The following ZNF674 variants were observed in gnomAD, a reference collection of about 807,000 sequenced individuals.
ZNF674 encodes the protein zinc finger family member 674.
A neutral mutation model predicts 7.0 loss-of-function variants in ZNF674; 2 were observed. The ratio of observed to expected loss-of-function variants is 0.29; its 90% confidence interval spans 0.12 to 0.90. The LOEUF is 0.90. Ranked by LOEUF, ZNF674 falls within the 40% of genes least tolerant of loss-of-function variation. ZNF674 has a pLI of 0.57. For synonymous variants in ZNF674, 103 were observed against 145.2 expected (o/e 0.71, Z 2.09); for missense variants, 297 against 415.5 (o/e 0.71, Z 2.48).
chrX:46,536,726 C>T (rs1942205763), intron 3 of ZNF674, among the ~76,000 whole-genome samples: 1 of 110,413 alleles, frequency 9.1e-6, no homozygotes, highest in South Asian at 3.9e-4. Context: ...CACTGCACTT[C>T]AGCCTGGGCA....
At chrX:46,518,392 T>C (rs182392806) in intron 5 of ZNF674, among the ~76,000 whole-genome samples, 310 of 111,524 alleles carry the variant, frequency 2.8e-3, no homozygotes, top group Non-Finnish European at 4.9e-3. Flanking sequence ...TATTAAACTA[T>C]AAGTAGAATG....
In ZNF674 at chrX:46,499,910, T is replaced by C; in HGVS notation, c.1664A>G (p.Lys555Arg). ...EKPYECRDCGKAFSGKSTLIK... is the reference protein window; with the variant it reads ...EKPYECRDCGRAFSGKSTLIK... ...GAGAGTTGACTTCCCACTGAATGCTTTCCCACAGTCTCTGCATTCATAAGG... is the reference window on the plus strand; with the variant it reads ...GAGAGTTGACTTCCCACTGAATGCTCTCCCACAGTCTCTGCATTCATAAGG... The change falls in exon 6 of 6, where the codon AAA (lysine) becomes AGA (arginine). Residue 555 changes from lysine to arginine, a missense_variant. Physicochemically the swap from Lys to Arg is conservative, Grantham distance 26. Coordinates refer to ENST00000683375, the MANE Select transcript of ZNF674 (RefSeq NM_001190417.2). The C allele has an allele frequency of 8.5e-7, 1 of 1,171,592 alleles. No individual in the cohort carries two copies.
At chrX:46,535,976 A>G (rs772757180) in intron 3 of ZNF674, among the ~76,000 whole-genome samples, 1 of 112,316 alleles carries the variant, frequency 8.9e-6, no homozygotes, top group East Asian at 2.8e-4. Context: ...GTCACTGCTG[A>G]TGAAGAGTAT....
chrX:46,536,650 A>G (rs1942204550), intron 3 of ZNF674, among the ~76,000 whole-genome samples: 1 of 109,605 alleles, frequency 9.1e-6, no homozygotes, highest in Non-Finnish European at 1.9e-5. Flanking sequence ...CCAGCTACTC[A>G]GGAAGCTAAA....
At chrX:46,529,045 C>A in intron 3 of ZNF674, 136 bp from the exon 4 acceptor site, 4 of 1,093,419 alleles carry the variant, frequency 3.7e-6, no homozygotes, top group Non-Finnish European at 5.0e-6. Flanking sequence ...TCTTCGCCGC[C>A]ACCCTAGAAG....
intron 5 of ZNF674, among the ~76,000 whole-genome samples, chrX:46,502,203 G>C (rs2146587920): frequency 9.2e-6 from 1 of 108,114 alleles, no homozygotes; most frequent in African/African-American, 3.4e-5. Context: ...CTATTCAGGA[G>C]GCTGAGGCAG....
chrX:46,509,499 A>C (rs1313742149), intron 5 of ZNF674, among the ~76,000 whole-genome samples: 2 of 100,867 alleles, frequency 2.0e-5, no homozygotes, highest in East Asian at 6.2e-4. Context: ...GACACTTCTC[A>C]AAAGAAGACA....
chrX:46,534,636 C>T lies in ZNF674; in HGVS notation c.16-5727G>A, dbSNP rs186674685. ...TCAGCTTCCCAAATTGCTGGAATTA[C>T]TGGTGTGAGCCACCGCACCCAGCCT... On this transcript the variant is annotated intron_variant, in intron 3 of 5. Transcript: ENST00000683375. Among the ~76,000 whole-genome samples, 11 of 111,938 alleles carry T rather than the reference C, an allele frequency of 9.8e-5. No individual in the cohort carries two copies. The East Asian group carries it at 3.1e-3, about 31-fold the overall frequency.
At chrX:46,540,200 T>C (rs1282623914) in intron 3 of ZNF674, among the ~76,000 whole-genome samples, 1 of 109,188 alleles carries the variant, frequency 9.2e-6, no homozygotes, top group African/African-American at 3.3e-5. Flanking sequence ...GCCGAGATTT[T>C]GCCACTGCAC....
chrX:46,532,073 G>C (rs1942119064), intron 3 of ZNF674, among the ~76,000 whole-genome samples: 1 of 111,294 alleles, frequency 9.0e-6, no homozygotes, highest in Non-Finnish European at 1.9e-5. Context: ...GCTGAGGCAG[G>C]GGAATCGCTT....
chrX:46,515,056 C>T lies in ZNF674; in HGVS notation c.238+13294G>A, dbSNP rs149590669. 7.2e-3 allele frequency among the ~76,000 whole-genome samples: 800 copies of T among 111,617 alleles called. 5 individuals carry two copies. Among genetic ancestry groups the T allele is most frequent in the African/African-American group, 0.025 (772 of 30,740 alleles). The stretch of plus-strand genomic sequence containing the variant: ...ATACTAATAAATTTGACAGACGAAA[C>T]TGATAAACTCCTTGAAAGACACAAA... On this transcript the variant is annotated intron_variant, in intron 5 of 5. Coordinates refer to ENST00000683375, the MANE Select transcript of ZNF674 (RefSeq NM_001190417.2).
intron 5 of ZNF674, 150 bp from the exon 6 acceptor site, chrX:46,501,485 C>G (rs1415226706): frequency 3.9e-6 from 2 of 517,148 alleles, no homozygotes; most frequent in East Asian, 7.0e-5. Flanking sequence ...GGCTCAAAAT[C>G]AAGAAAAGAA....
In ZNF674 at chrX:46,498,940, T is replaced by G. The variant is rs1941364399; in HGVS notation, c.*903A>C. On this transcript the variant is annotated 3_prime_UTR_variant, in exon 6 of 6. Coordinates refer to ENST00000683375, the MANE Select transcript of ZNF674 (RefSeq NM_001190417.2). ...TACTCTACTCCACAGTGAACATATC[T>G]TAAATTTATAATTGTTTGCCACCTC... 1 of 110,881 alleles carries G rather than the reference T, an allele frequency of 9.0e-6. No individual in the cohort carries two copies. The highest frequency in any genetic ancestry group is 1.9e-5 in the Non-Finnish European group (1 of 52,978). 9.1% of individuals were successfully genotyped at this position (110,881 alleles called of 1,213,427 possible).
Position 46,500,346 on chromosome X carries a change from A to T in ZNF674, c.1228T>A (p.Cys410Ser), listed in dbSNP as rs769547318. 25 of 1,209,977 alleles carry T rather than the reference A, an allele frequency of 2.1e-5. No homozygotes were observed. The highest frequency in any genetic ancestry group is 2.8e-5 in the Non-Finnish European group (25 of 895,030). Residue 410 changes from cysteine (C) to serine (S), a missense_variant, in exon 6 of 6, where the codon TGT (cysteine) becomes AGT (serine). Transcript: ENST00000683375. ...CTGAAAGTCTTCCCACATATACTAC[A>T]TTCATAGGGTTTCTCTCCTGTATGA... The part of the protein sequence containing the change: ...RIHTGEKPYE[C>S]SICGKTFSGK...
chrX:46,516,822 C>G (rs763154202), intron 5 of ZNF674, among the ~76,000 whole-genome samples: 12 of 111,437 alleles, frequency 1.1e-4, no homozygotes, highest in Non-Finnish European at 2.1e-4. Context: ...CATGGCGAAA[C>G]CCGTCTCTAC....
intron 3 of ZNF674, among the ~76,000 whole-genome samples, chrX:46,532,689 C>T (rs890048525): frequency 9.0e-6 from 1 of 111,548 alleles, no homozygotes; most frequent in African/African-American, 3.3e-5. Flanking sequence ...AATCATTCCT[C>T]GGCCTGGCCC....
intron 5 of ZNF674, among the ~76,000 whole-genome samples, chrX:46,512,371 C>A (rs1941674659): frequency 9.0e-6 from 1 of 110,661 alleles, no homozygotes; most frequent in Non-Finnish European, 1.9e-5. Context: ...AAATTCCAGG[C>A]AGGTTTTAAG....
chrX:46,507,523 C>A (rs1941563928), intron 5 of ZNF674, among the ~76,000 whole-genome samples: 1 of 111,676 alleles, frequency 9.0e-6, no homozygotes, highest in African/African-American at 3.3e-5. Flanking sequence ...TCAAAACCCA[C>A]AAATACGGAG....
chrX:46,512,870 A>T (rs1472815084), intron 5 of ZNF674, among the ~76,000 whole-genome samples: 1 of 112,121 alleles, frequency 8.9e-6, no homozygotes. Flanking sequence ...ACCTAGACTA[A>T]GGAAAGATAT....
Sources: allele counts gnomAD v4.1 joint callset (sites outside exome capture counted in the v4.1 genomes callset), GRCh38; gene constraint gnomAD v4.1.1; transcripts MANE v1.5; gene names NCBI Gene and HGNC (gene_info 2026-07-23, HGNC 2026-07-21).